Variants in DYNC1I1 observed in about 807,000 individuals in gnomAD.
DYNC1I1 encodes dynein cytoplasmic 1 intermediate chain 1.
DYNC1I1 carries 43 observed loss-of-function variants against 86.6 expected under a neutral mutation model. The observed-to-expected ratio is 0.50, with a 90% CI of 0.39 to 0.64. The LOEUF (loss-of-function observed/expected upper bound fraction) is 0.64. Among genes scored for constraint, DYNC1I1 ranks in the 30% least tolerant of loss-of-function variants. The probability of loss-of-function intolerance (pLI) is 0.00; values close to 1 mark genes in which losing one functional copy is unlikely to be tolerated. For missense variants in DYNC1I1, 604 were observed against 788.8 expected, an observed-to-expected ratio of 0.77 and a Z score of 2.81; for synonymous variants, 262 against 283.7, an observed-to-expected ratio of 0.92 and a Z score of 0.77.
chr7:96,013,499 C>T (rs1047454294), intron 10 of DYNC1I1, among the ~76,000 whole-genome samples: 14 of 152,140 alleles, frequency 9.2e-5, no homozygotes, highest in African/African-American at 3.4e-4. Flanking sequence ...TACTCTGTCA[C>T]CCAGGCTGGA....
chr7:95,804,892 G>T, intron 2 of DYNC1I1, 55 bp downstream of exon 2: 1 of 1,525,360 alleles, frequency 6.6e-7, no homozygotes, highest in South Asian at 1.3e-5. Context: ...ACTTGATTCT[G>T]AGGGGCTGGT....
intron 6 of DYNC1I1, among the ~76,000 whole-genome samples, chr7:95,921,569 G>T (rs1001905690): frequency 6.6e-6 from 1 of 152,114 alleles, no homozygotes. Flanking sequence ...AAAACTCCTT[G>T]TGTGATCTTG....
At chr7:96,029,920 A>G (rs1004141813) in intron 11 of DYNC1I1, among the ~76,000 whole-genome samples, 1 of 151,966 alleles carries the variant, frequency 6.6e-6, no homozygotes, top group Non-Finnish European at 1.5e-5. Context: ...AAAAAAAAAA[A>G]AAGAAAGAAA....
chr7:96,030,517 G>A lies in DYNC1I1; in HGVS notation c.1117-2150G>A, dbSNP rs553635414. ...GGGGCTGCCACACACACTTTCTCCGGGCACATGGCTCTACACATTCTTCTA... is the reference window on the plus strand; with the variant it reads ...GGGGCTGCCACACACACTTTCTCCGAGCACATGGCTCTACACATTCTTCTA... On this transcript the variant is annotated intron_variant, in intron 11 of 16. Transcript: ENST00000447467. Among the ~76,000 whole-genome samples the A allele has an allele frequency of 3.3e-5, 5 of 151,584 alleles. No individual in the cohort carries two copies. In the South Asian group the frequency reaches 1.1e-3, roughly 32 times the overall value.
chr7:95,853,557 AG>A (rs1292827180), intron 5 of DYNC1I1, among the ~76,000 whole-genome samples: 1 of 152,226 alleles, frequency 6.6e-6, no homozygotes, highest in Non-Finnish European at 1.5e-5. Context: ...TAGATTTATT[AG>A]GACTTTTTTT....
At chr7:95,817,545 A>T (rs945815594) in intron 4 of DYNC1I1, among the ~76,000 whole-genome samples, 2 of 152,076 alleles carry the variant, frequency 1.3e-5, no homozygotes, top group Admixed American at 6.5e-5. Context: ...AATTATTATA[A>T]TTTTTTCATA....
At chr7:96,095,933 T>C (rs1037321824) in intron 16 of DYNC1I1, among the ~76,000 whole-genome samples, 1 of 152,132 alleles carries the variant, frequency 6.6e-6, no homozygotes, top group African/African-American at 2.4e-5. Context: ...TGTGAACTTG[T>C]GTTATTGCCT....
chr7:95,911,096 A>G (rs916958400), intron 6 of DYNC1I1, among the ~76,000 whole-genome samples: 1 of 152,206 alleles, frequency 6.6e-6, no homozygotes, highest in Non-Finnish European at 1.5e-5. Context: ...GTGTGGGGAT[A>G]GCTGGGCTAC....
chr7:95,853,787 A>G (rs1237518186), intron 5 of DYNC1I1, among the ~76,000 whole-genome samples: 2 of 152,116 alleles, frequency 1.3e-5, no homozygotes, highest in Non-Finnish European at 2.9e-5. Context: ...CTCTCTCTTC[A>G]GATCTATTAA....
intron 10 of DYNC1I1, 137 bp downstream of exon 10, chr7:95,996,210 C>A: frequency 7.7e-7 from 1 of 1,293,524 alleles, no homozygotes; most frequent in Non-Finnish European, 1.1e-6. Context: ...GAAAATTCCC[C>A]CACAGTAACC....
chr7:95,932,131 G>T (rs1791915829), intron 6 of DYNC1I1, among the ~76,000 whole-genome samples: 1 of 152,024 alleles, frequency 6.6e-6, no homozygotes. Context: ...ACCTCATTCT[G>T]TTTAGCTGTC....
intron 6 of DYNC1I1, among the ~76,000 whole-genome samples, chr7:95,948,992 G>T (rs1291344511): frequency 6.6e-6 from 1 of 152,144 alleles, no homozygotes; most frequent in East Asian, 1.9e-4. Context: ...AGACCATAAA[G>T]TTTCCCAGGC....
At chr7:96,053,112 G>A (rs1186286218) in intron 14 of DYNC1I1, among the ~76,000 whole-genome samples, 3 of 152,248 alleles carry the variant, frequency 2.0e-5, no homozygotes, top group East Asian at 1.9e-4. Context: ...AAATGATAGC[G>A]ACTTCATTGA....
At chr7:96,045,942 C>A (rs930043592) in intron 14 of DYNC1I1, among the ~76,000 whole-genome samples, 1 of 152,110 alleles carries the variant, frequency 6.6e-6, no homozygotes, top group Non-Finnish European at 1.5e-5. Context: ...GGATGCTAAT[C>A]GTTACATATT....
chr7:95,968,770 C>G (rs1793083270), intron 6 of DYNC1I1, among the ~76,000 whole-genome samples: 1 of 151,406 alleles, frequency 6.6e-6, no homozygotes, highest in Non-Finnish European at 1.5e-5. Flanking sequence ...GGAGTCCCTC[C>G]TTATTTTCCA....
intron 14 of DYNC1I1, among the ~76,000 whole-genome samples, chr7:96,046,744 A>T (rs1789227200): frequency 6.6e-6 from 1 of 152,224 alleles, no homozygotes; most frequent in African/African-American, 2.4e-5. Context: ...AGTGACCAGC[A>T]GACCTGATTT....
Position 95,939,056 on chromosome 7 carries a change from C to G in DYNC1I1, c.491-38456C>G, listed in dbSNP as rs990010647. Among the ~76,000 whole-genome samples the G allele has an allele frequency of 1.5e-4, 23 of 151,946 alleles. 1 individual carries two copies. Among genetic ancestry groups the G allele is most frequent in the Non-Finnish European group, 1.5e-5 (1 of 67,988 alleles). On this transcript the variant is annotated intron_variant, in intron 6 of 16. Coordinates refer to ENST00000447467, the MANE Select transcript of DYNC1I1 (RefSeq NM_001135556.2). ...TTTCTGCCTTCCTTTCATTATGCAC[C>G]CAGTAGTCATTCAGGAGCAGGTTGT...
rs150809705 is a variant in DYNC1I1, at chr7:96,070,060, C to T, written c.1510-5997C>T. Among the ~76,000 whole-genome samples the T allele has an allele frequency of 8.7e-4, 133 of 152,180 alleles. 1 individual carries two copies. Among genetic ancestry groups the T allele is most frequent in the Middle Eastern group, 3.4e-3 (1 of 294 alleles). ...ATGTCCAATTTTGAATTTCTGACCA[C>T]GATACACACAGGTAAAGATATCATT... On this transcript the variant is annotated intron_variant, in intron 14 of 16. Coordinates refer to ENST00000447467, the MANE Select transcript of DYNC1I1 (RefSeq NM_001135556.2).
intron 6 of DYNC1I1, among the ~76,000 whole-genome samples, chr7:95,935,704 A>G (rs972020201): frequency 1.3e-5 from 2 of 152,072 alleles, no homozygotes; most frequent in African/African-American, 2.4e-5. Flanking sequence ...CATAAATCTG[A>G]TAAGTGGTTA....
Sources: allele counts gnomAD v4.1 joint callset (sites outside exome capture counted in the v4.1 genomes callset), GRCh38; gene constraint gnomAD v4.1.1; transcripts MANE v1.5; gene names NCBI Gene and HGNC (gene_info 2026-07-23, HGNC 2026-07-21).